The following SUGCT variants were observed in gnomAD, a reference collection of about 807,000 sequenced individuals.
SUGCT encodes succinyl-CoA:glutarate CoA-transferase.
Under a neutral mutation model 55.0 loss-of-function variants are expected in SUGCT, and 41 were observed. That is an observed-to-expected ratio of 0.74 (90% confidence interval 0.58 to 0.97). SUGCT has a LOEUF of 0.97. Among genes scored for constraint, SUGCT ranks in the 50% least tolerant of loss-of-function variants. The pLI, the probability that SUGCT is intolerant of heterozygous loss-of-function variation, is 0.00. For synonymous variants in SUGCT, 187 were observed against 200.4 expected, an observed-to-expected ratio of 0.93 and a Z score of 0.56; for missense variants, 568 against 547.8, an observed-to-expected ratio of 1.04 and a Z score of -0.37.
chr7:40,628,359 A>G (rs756016011), intron 12 of SUGCT, among the ~76,000 whole-genome samples: 6 of 152,190 alleles, frequency 3.9e-5, no homozygotes, highest in African/African-American at 7.2e-5. Flanking sequence ...TGATTTGTCA[A>G]ATGTCTCCCT....
intron 9 of SUGCT, among the ~76,000 whole-genome samples, chr7:40,328,120 T>A (rs1796108290): frequency 6.6e-6 from 1 of 152,200 alleles, no homozygotes; most frequent in Non-Finnish European, 1.5e-5. Context: ...TGTGACCTTT[T>A]CCTCTACATA....
chr7:40,519,800 AC>A (rs776091353), intron 12 of SUGCT, among the ~76,000 whole-genome samples: 3 of 152,064 alleles, frequency 2.0e-5, no homozygotes, highest in Non-Finnish European at 4.4e-5. Flanking sequence ...AGTAGGAGAA[AC>A]CTATATTGCA....
chr7:40,874,501 C>T, the SUGCT span, among the ~76,000 whole-genome samples: 99 of 152,238 alleles, frequency 6.5e-4, 1 homozygote, highest in South Asian at 0.01. Context: ...CGATACAGTG[C>T]GCTGGATTAA....
chr7:40,688,311 T>G (rs973121368), intron 12 of SUGCT, among the ~76,000 whole-genome samples: 9 of 152,192 alleles, frequency 5.9e-5, no homozygotes, highest in African/African-American at 2.2e-4. Context: ...TTACCAGAAA[T>G]TTAAAGTGAG....
the SUGCT span, among the ~76,000 whole-genome samples, chr7:41,010,282 G>C: frequency 6.6e-6 from 1 of 152,190 alleles, no homozygotes; most frequent in Non-Finnish European, 1.5e-5. Flanking sequence ...TACTGTTACT[G>C]TTAATGACTC....
intron 12 of SUGCT, among the ~76,000 whole-genome samples, chr7:40,728,376 G>A (rs1208856615): frequency 1.3e-5 from 2 of 152,008 alleles, no homozygotes; most frequent in East Asian, 1.9e-4. Context: ...AAAATTAGCC[G>A]GGCATAGTGG....
chr7:40,663,481 G>A (rs1801438629), intron 12 of SUGCT, among the ~76,000 whole-genome samples: 1 of 136,176 alleles, frequency 7.3e-6, no homozygotes, highest in Non-Finnish European at 1.5e-5. Context: ...TTACTTTGTG[G>A]TGTATGTGTG....
intron 1 of SUGCT, among the ~76,000 whole-genome samples, chr7:40,167,186 A>G (rs1302823267): frequency 1.3e-5 from 2 of 152,240 alleles, no homozygotes; most frequent in African/African-American, 4.8e-5. Flanking sequence ...TCCATACAGT[A>G]GAGTGTACTC....
intron 12 of SUGCT, among the ~76,000 whole-genome samples, chr7:40,649,674 A>G (rs1051003667): frequency 6.6e-6 from 1 of 152,228 alleles, no homozygotes; most frequent in African/African-American, 2.4e-5. Context: ...GTACATAGAG[A>G]CATAATGGTA....
intron 13 of SUGCT, among the ~76,000 whole-genome samples, chr7:40,808,846 C>A (rs1281067350): frequency 6.6e-6 from 1 of 152,162 alleles, no homozygotes; most frequent in African/African-American, 2.4e-5. Flanking sequence ...ATCTTGCTCA[C>A]TTCCCAGACT....
intron 10 of SUGCT, among the ~76,000 whole-genome samples, chr7:40,457,029 C>A (rs902911124): frequency 1.3e-5 from 2 of 151,816 alleles, no homozygotes; most frequent in Non-Finnish European, 2.9e-5. Flanking sequence ...CTTCTCCTTT[C>A]GTTTGCTACT....
At chr7:40,752,674 G>C (rs1788077238) in intron 13 of SUGCT, among the ~76,000 whole-genome samples, 1 of 152,112 alleles carries the variant, frequency 6.6e-6, no homozygotes, top group South Asian at 2.1e-4. Context: ...GTTTTAGGCT[G>C]TATCCAAAAG....
chr7:40,411,426 A>G (rs1458324209), intron 9 of SUGCT, among the ~76,000 whole-genome samples: 1 of 152,220 alleles, frequency 6.6e-6, no homozygotes, highest in East Asian at 1.9e-4. Flanking sequence ...TGAATTATAC[A>G]TTTGAGGAAA....
the SUGCT span, among the ~76,000 whole-genome samples, chr7:40,911,414 A>G: frequency 6.6e-6 from 1 of 152,038 alleles, no homozygotes. Context: ...ATTAAAAAAA[A>G]ATTTTTAGTT....
In SUGCT at chr7:40,776,747, C is replaced by T. The variant is rs577824330; in HGVS notation, c.1153+27250C>T. ...GGTGTGAGCTAAAGCTGGCTGGTAC[C>T]TAGCATTCTGGCTCTTTTCCCTCCC... On this transcript the variant is annotated intron_variant, in intron 13 of 13. Coordinates refer to ENST00000335693, the MANE Select transcript of SUGCT (RefSeq NM_001193313.2). 7.2e-5 allele frequency among the ~76,000 whole-genome samples: 11 copies of T among 152,310 alleles called. No individual in the cohort carries two copies. In the South Asian group the frequency reaches 1.2e-3, roughly 17 times the overall value.
intron 9 of SUGCT, among the ~76,000 whole-genome samples, chr7:40,363,380 T>G (rs1562715115): frequency 6.6e-6 from 1 of 152,178 alleles, no homozygotes; most frequent in Admixed American, 6.5e-5. Flanking sequence ...GCTCTTGGTT[T>G]TCTAGTTCTT....
chr7:40,377,638 C>T (rs1024368016), intron 9 of SUGCT, among the ~76,000 whole-genome samples: 25 of 152,110 alleles, frequency 1.6e-4, no homozygotes, highest in Non-Finnish European at 2.9e-4. Context: ...GAGTTACAAA[C>T]GGAAATACAT....
intron 1 of SUGCT, among the ~76,000 whole-genome samples, chr7:40,171,472 G>A (rs959565170): frequency 6.6e-6 from 1 of 152,168 alleles, no homozygotes; most frequent in Admixed American, 6.5e-5. Flanking sequence ...TTGGACCTTT[G>A]TATGGTAATT....
chr7:40,170,732 T>C (rs1337936772), intron 1 of SUGCT, among the ~76,000 whole-genome samples: 1 of 151,566 alleles, frequency 6.6e-6, no homozygotes, highest in Non-Finnish European at 1.5e-5. Context: ...AGTCTAGTGG[T>C]CCTTTAACAG....
Sources: gnomAD v4.1 joint callset for allele counts (sites outside exome capture counted in the v4.1 genomes callset) on GRCh38, gnomAD v4.1.1 for gene constraint, MANE v1.5 for transcripts, NCBI Gene and HGNC (gene_info 2026-07-23, HGNC 2026-07-21) for gene names.